The following GSE1 variants were observed in gnomAD, a reference collection of about 807,000 sequenced individuals.
GSE1 encodes the protein Gse1 coiled-coil protein.
Under a neutral mutation model 112.6 loss-of-function variants are expected in GSE1, and 32 were observed. The ratio of observed to expected loss-of-function variants is 0.28; its 90% CI spans 0.21 to 0.38. GSE1 has a LOEUF of 0.38. GSE1 is among the 10% of genes least tolerant of loss of function. GSE1 has a pLI of 1.00. For synonymous variants in GSE1, 1,115 were observed against 735.6 expected, an observed-to-expected ratio of 1.52 and a Z score of -8.35; for missense variants, 2,348 against 1,699.2, an observed-to-expected ratio of 1.38 and a Z score of -6.71.
At chr16:85,322,793 T>C (rs1362282892) in intron 1 of GSE1, among the ~76,000 whole-genome samples, 1 of 151,982 alleles carries the variant, frequency 6.6e-6, no homozygotes, top group African/African-American at 2.4e-5. Context: ...TTTTTGTATT[T>C]TTAGTAGAGA....
At chr16:85,345,687 G>A (rs1313389073) in intron 1 of GSE1, among the ~76,000 whole-genome samples, 2 of 152,130 alleles carry the variant, frequency 1.3e-5, no homozygotes, top group South Asian at 2.1e-4. Flanking sequence ...TCCTACTGAT[G>A]GACAGATGAA....
intron 2 of GSE1, among the ~76,000 whole-genome samples, chr16:85,370,900 C>T (rs1191530089): frequency 6.6e-6 from 1 of 152,240 alleles, no homozygotes; most frequent in Non-Finnish European, 1.5e-5. Flanking sequence ...CTCCCACTAC[C>T]CTCCGAGCCA....
intron 1 of GSE1, among the ~76,000 whole-genome samples, chr16:85,346,415 A>T (rs1383279973): frequency 1.1e-5 from 1 of 90,358 alleles, no homozygotes; most frequent in African/African-American, 3.9e-5. Flanking sequence ...GGGCGGGTGG[A>T]TGGGTGATGG....
chr16:85,347,916 G>A (rs977406780), intron 1 of GSE1, among the ~76,000 whole-genome samples: 5 of 152,196 alleles, frequency 3.3e-5, no homozygotes, highest in Non-Finnish European at 7.3e-5. Context: ...CAGCCCTCGA[G>A]GCCTTGAACC....
chr16:85,622,382 T>G (rs974239715), intron 1 of GSE1, among the ~76,000 whole-genome samples: 2 of 150,964 alleles, frequency 1.3e-5, no homozygotes, highest in Non-Finnish European at 2.9e-5. Flanking sequence ...GGCCCTTTCT[T>G]TTTCCACCCT....
intron 2 of GSE1, among the ~76,000 whole-genome samples, chr16:85,471,180 C>T (rs2050283152): frequency 6.6e-6 from 1 of 152,204 alleles, no homozygotes. Flanking sequence ...ACGCCCAGTC[C>T]CTGCTGCCCT....
At chr16:85,223,505 A>C (rs887356018) in intron 1 of GSE1, among the ~76,000 whole-genome samples, 5 of 151,874 alleles carry the variant, frequency 3.3e-5, no homozygotes, top group Non-Finnish European at 5.9e-5. Flanking sequence ...CCTGGGCAAC[A>C]GAGCAAGACT....
chr16:85,349,859 C>T (rs908097398), intron 1 of GSE1, among the ~76,000 whole-genome samples: 13 of 152,210 alleles, frequency 8.5e-5, no homozygotes, highest in African/African-American at 3.1e-4. Flanking sequence ...CAGCACAAAC[C>T]TACTTGCCCC....
At chr16:85,256,201 A>G (rs908371840) in intron 1 of GSE1, among the ~76,000 whole-genome samples, 1 of 151,938 alleles carries the variant, frequency 6.6e-6, no homozygotes, top group Admixed American at 6.6e-5. Context: ...AGACTCGGAC[A>G]GCACCGGGGG....
chr16:85,356,976 G>A lies in GSE1; in HGVS notation c.2284-487G>A, dbSNP rs553656330. Among the ~76,000 whole-genome samples the A allele has an allele frequency of 3.3e-5, 5 of 152,272 alleles. No individual in the cohort carries two copies. The South Asian group carries it at 6.2e-4, about 19-fold the overall frequency. ...GGCCTTTCCCTGATTTGCAGGGTGC[G>A]GCTGAGATGGTTTGCCCAGCTCTCT... On this transcript the variant is annotated intron_variant, in intron 1 of 2. Coordinates refer to the GSE1 transcript ENST00000637419.
chr16:85,240,625 G>GA (rs2143926037), intron 1 of GSE1, among the ~76,000 whole-genome samples: 1 of 152,318 alleles, frequency 6.6e-6, no homozygotes, highest in African/African-American at 2.4e-5. Flanking sequence ...AGACTTAAAC[G>GA]AGATGGTGCA....
intron 1 of GSE1, among the ~76,000 whole-genome samples, chr16:85,215,081 C>A (rs75946749): frequency 0.024 from 3,729 of 152,216 alleles, 149 homozygotes; most frequent in African/African-American, 0.087. Flanking sequence ...TAACACTGAC[C>A]CCTGACACAG....
At chr16:85,617,503 G>GATTTAAA (rs1429430211) in intron 1 of GSE1, among the ~76,000 whole-genome samples, 1 of 151,882 alleles carries the variant, frequency 6.6e-6, no homozygotes, top group African/African-American at 2.4e-5. Flanking sequence ...ATCACCTGGG[G>GATTTAAA]AGCTTTAAAA....
At chr16:85,173,017 T>C (rs2074388579) in intron 1 of GSE1, among the ~76,000 whole-genome samples, 1 of 152,178 alleles carries the variant, frequency 6.6e-6, no homozygotes, top group African/African-American at 2.4e-5. Context: ...TTTGGTGGGA[T>C]GGTCTCTCGT....
intron 2 of GSE1, among the ~76,000 whole-genome samples, chr16:85,453,407 G>C (rs763135680): frequency 2.0e-5 from 3 of 152,196 alleles, no homozygotes; most frequent in Non-Finnish European, 4.4e-5. Context: ...GTGCATGCCG[G>C]GGTGGCTGGA....
At position 85,656,337 on chromosome 16, in the gene GSE1, C is replaced by T. The variant is rs763628937; in HGVS notation, c.990-6C>T. On this transcript the variant is annotated splice_region_variant and splice_polypyrimidine_tract_variant and intron_variant, in intron 6 of 15. Coordinates refer to ENST00000253458, the MANE Select transcript of GSE1 (RefSeq NM_014615.5). ...CAGAGCCCCCAACTCTTTCCATGTGCTGCAGGCTGCAGATGGACGAGGAGC... is the reference window on the plus strand; with the variant it reads ...CAGAGCCCCCAACTCTTTCCATGTGTTGCAGGCTGCAGATGGACGAGGAGC... The T allele has an allele frequency of 6.2e-7, 1 of 1,611,046 alleles. No homozygotes were observed. The highest frequency in any genetic ancestry group is 8.5e-7 in the Non-Finnish European group (1 of 1,179,170).
chr16:85,191,270 A>G (rs1354612510), intron 1 of GSE1, among the ~76,000 whole-genome samples: 9 of 152,192 alleles, frequency 5.9e-5, no homozygotes, highest in Non-Finnish European at 5.9e-5. Flanking sequence ...AACAACAACG[A>G]CAACAAAAAC....
chr16:85,196,879 G>A (rs558306179), intron 1 of GSE1, among the ~76,000 whole-genome samples: 1 of 151,882 alleles, frequency 6.6e-6, no homozygotes, highest in African/African-American at 2.4e-5. Flanking sequence ...GAATTTGAAG[G>A]TCACCCTGGG....
rs907560513 is a variant in GSE1 at position 85,472,059 on chromosome 16, A to G, written c.2464+114416A>G. ...TGGCCTTGTCCTCTGCTCACGAGATACCAGTAATACTGGTTGTCCCAGTGT... is the reference window on the plus strand; with the variant it reads ...TGGCCTTGTCCTCTGCTCACGAGATGCCAGTAATACTGGTTGTCCCAGTGT... On this transcript the variant is annotated intron_variant, in intron 2 of 2. Coordinates refer to the GSE1 transcript ENST00000637419. 7.9e-5 allele frequency among the ~76,000 whole-genome samples: 12 copies of G among 152,210 alleles called. No individual in the cohort carries two copies. In the East Asian group the frequency reaches 2.3e-3, roughly 29 times the overall value.
Sources: gnomAD v4.1 joint callset for allele counts (sites outside exome capture counted in the v4.1 genomes callset) on GRCh38, gnomAD v4.1.1 for gene constraint, MANE v1.5 for transcripts, NCBI Gene and HGNC (gene_info 2026-07-23, HGNC 2026-07-21) for gene names.